MORC1: variants seen among roughly 807,000 people sequenced by gnomAD.
The protein encoded by MORC1 is MORC family CW-type zinc finger 1.
In MORC1, 59 loss-of-function variants were observed where a neutral mutation model predicts 134.9. The observed-to-expected ratio is 0.44, with a 90% CI of 0.35 to 0.54. MORC1 has a LOEUF of 0.54. Among genes scored for constraint, MORC1 ranks in the 20% least tolerant of loss-of-function variants. MORC1 has a pLI of 0.00. For synonymous variants in MORC1, 395 were observed against 391.7 expected, an observed-to-expected ratio of 1.01 and a Z score of -0.10; for missense variants, 947 against 1,134.5, an observed-to-expected ratio of 0.83 and a Z score of 2.37.
chr3:109,067,123 A>C (rs1029217872), intron 9 of MORC1, among the ~76,000 whole-genome samples: 1 of 152,192 alleles, frequency 6.6e-6, no homozygotes, highest in African/African-American at 2.4e-5. Flanking sequence ...AATGTCCCAG[A>C]ATAACTTAAA....
intron 21 of MORC1, among the ~76,000 whole-genome samples, chr3:108,997,553 C>A (rs1042963493): frequency 3.3e-5 from 5 of 151,948 alleles, no homozygotes; most frequent in African/African-American, 1.2e-4. Flanking sequence ...ATTGCTTCAA[C>A]AGACCACAGG....
chr3:109,029,592 A>G (rs928539692), intron 16 of MORC1, among the ~76,000 whole-genome samples: 1 of 152,176 alleles, frequency 6.6e-6, no homozygotes, highest in Non-Finnish European at 1.5e-5. Context: ...AGATAAGTGC[A>G]TGGTATGAAT....
At chr3:109,064,116 TA>T (rs1353231417) in intron 9 of MORC1, among the ~76,000 whole-genome samples, 6 of 152,146 alleles carry the variant, frequency 3.9e-5, no homozygotes, top group African/African-American at 1.4e-4. Flanking sequence ...ATTTTATGTT[TA>T]AAAAAACCTG....
chr3:108,993,110 T>C (rs1948111868), intron 21 of MORC1, among the ~76,000 whole-genome samples: 1 of 152,190 alleles, frequency 6.6e-6, no homozygotes, highest in African/African-American at 2.4e-5. Flanking sequence ...TGGGTCAGCC[T>C]GTCAGAGTGT....
rs75648050 is a variant in MORC1, at chr3:109,082,844, C to T, written c.689+10592G>A. Among the ~76,000 whole-genome samples the T allele has an allele frequency of 5.1e-3, 782 of 152,146 alleles. 18 individuals carry two copies. Among genetic ancestry groups the T allele is most frequent in the African/African-American group, 0.018 (750 of 41,520 alleles). ...TGTTCAAGAGGGAATAAAGCAAGAG[C>T]AAGGGTTAGAAAGCTTACTCAAAGA... is the stretch of plus-strand genomic sequence containing the variant. On this transcript the variant is annotated intron_variant, in intron 8 of 27. Coordinates refer to ENST00000232603, the MANE Select transcript of MORC1 (RefSeq NM_014429.4).
chr3:109,033,945 A>T (rs1336215316), intron 15 of MORC1, among the ~76,000 whole-genome samples: 1 of 152,200 alleles, frequency 6.6e-6, no homozygotes, highest in Non-Finnish European at 1.5e-5. Context: ...AGTACTGGAG[A>T]TTGGATTCTA....
At chr3:109,011,466 T>A (rs541119752) in intron 17 of MORC1, among the ~76,000 whole-genome samples, 3 of 152,276 alleles carry the variant, frequency 2.0e-5, no homozygotes, top group African/African-American at 7.2e-5. Context: ...AAGTACCTGC[T>A]TAAATGTGTC....
intron 20 of MORC1, among the ~76,000 whole-genome samples, chr3:109,001,296 G>A (rs754202114): frequency 1.3e-5 from 2 of 151,998 alleles, no homozygotes; most frequent in Non-Finnish European, 2.9e-5. Flanking sequence ...CCACGCCTGG[G>A]AAATTAGCTT....
chr3:109,054,698 T>C, intron 14 of MORC1, 30 bp downstream of exon 14: 1 of 1,468,172 alleles, frequency 6.8e-7, no homozygotes, highest in African/African-American at 1.5e-5. Flanking sequence ...CCTCTGTAAG[T>C]ATCTCCTACT....
At chr3:109,090,936 A>T (rs1950708148) in intron 8 of MORC1, among the ~76,000 whole-genome samples, 1 of 152,110 alleles carries the variant, frequency 6.6e-6, no homozygotes, top group African/African-American at 2.4e-5. Context: ...ACTGCACCAG[A>T]TTAGAGGTTC....
At chr3:109,081,278 G>A (rs1950514837) in intron 8 of MORC1, among the ~76,000 whole-genome samples, 2 of 152,008 alleles carry the variant, frequency 1.3e-5, no homozygotes, top group Admixed American at 6.6e-5. Flanking sequence ...TTCCAAAATG[G>A]TGGTGCAGAA....
intron 14 of MORC1, among the ~76,000 whole-genome samples, chr3:109,040,464 GAAA>G (rs1559912719): frequency 9.8e-5 from 14 of 142,290 alleles, no homozygotes; most frequent in African/African-American, 3.6e-4. Context: ...AAGAAAGAAA[GAAA>G]GAAAGAAAGA....
At chr3:109,061,961 T>G in intron 11 of MORC1, 27 bp downstream of exon 11, 1 of 1,605,132 alleles carries the variant, frequency 6.2e-7, no homozygotes, top group Non-Finnish European at 8.5e-7. Context: ...TGCCATTTAA[T>G]AAGACTACTC....
At chr3:109,053,706 T>C (rs994890475) in intron 14 of MORC1, among the ~76,000 whole-genome samples, 3 of 152,178 alleles carry the variant, frequency 2.0e-5, no homozygotes, top group Non-Finnish European at 4.4e-5. Flanking sequence ...TTTAGTCATA[T>C]CCCAAACCTC....
At chr3:108,968,802 C>T (rs1263362705) in intron 26 of MORC1, among the ~76,000 whole-genome samples, 1 of 152,144 alleles carries the variant, frequency 6.6e-6, no homozygotes, top group Non-Finnish European at 1.5e-5. Flanking sequence ...GGTAAAGTGT[C>T]AACAAAGACC....
At chr3:108,960,806 A>G (rs1395476906) in intron 27 of MORC1, among the ~76,000 whole-genome samples, 4 of 152,168 alleles carry the variant, frequency 2.6e-5, no homozygotes, top group Non-Finnish European at 5.9e-5. Context: ...ACTTCTTTTT[A>G]AAAATCTTTA....
chr3:108,977,384 GTTACTATTATTT>G (rs1012909940), intron 24 of MORC1, among the ~76,000 whole-genome samples: 3 of 152,108 alleles, frequency 2.0e-5, no homozygotes, highest in African/African-American at 7.2e-5. Flanking sequence ...AGCTATTATT[GTTACTATTATTT>G]TTATGGAGAC....
intron 14 of MORC1, 85 bp from the exon 15 acceptor site, chr3:109,035,553 A>C (rs1280842512): frequency 1.3e-6 from 1 of 799,272 alleles, no homozygotes; most frequent in East Asian, 2.7e-5. Context: ...TGTATATACA[A>C]TATGATCTCA....
chr3:108,996,286 G>GCGCACACACACACACACACACACACACA, intron 21 of MORC1, among the ~76,000 whole-genome samples: 10 of 146,380 alleles, frequency 6.8e-5, no homozygotes, highest in African/African-American at 2.3e-4. Flanking sequence ...GCGCGCGCGC[G>GCGCACACACACACACACACACACACACA]CACACACACA....
Sources: gnomAD v4.1 joint callset for allele counts (sites outside exome capture counted in the v4.1 genomes callset) on GRCh38, gnomAD v4.1.1 for gene constraint, MANE v1.5 for transcripts, NCBI Gene and HGNC (gene_info 2026-07-23, HGNC 2026-07-21) for gene names.